MAP4K5: variants seen among roughly 807,000 people sequenced by gnomAD.
MAP4K5 encodes the protein MAPK/ERK kinase kinase kinase 5.
MAP4K5 carries 82 observed loss-of-function variants against 135.6 expected under a neutral mutation model. The observed-to-expected ratio is 0.60, with a 90% CI of 0.51 to 0.73. The LOEUF is 0.73. Ranked by LOEUF, MAP4K5 falls within the 30% of genes least tolerant of loss-of-function variation. The pLI is 0.00. For synonymous variants in MAP4K5, 347 were observed against 335.0 expected (o/e 1.04, Z -0.39); for missense variants, 907 against 1,010.9 (o/e 0.90, Z 1.39).
At chr14:50,517,857 A>G (rs2038066572) in intron 2 of MAP4K5, among the ~76,000 whole-genome samples, 1 of 152,236 alleles carries the variant, frequency 6.6e-6, no homozygotes, top group African/African-American at 2.4e-5. Flanking sequence ...AAGAGTAAAG[A>G]AAGTGCTTCA....
At chr14:50,473,937 G>T (rs2037034996) in intron 9 of MAP4K5, among the ~76,000 whole-genome samples, 2 of 151,850 alleles carry the variant, frequency 1.3e-5, no homozygotes, top group Admixed American at 1.3e-4. Context: ...TGTTAGCCAG[G>T]ATGGTCTCGA....
At chr14:50,495,601 A>G (rs2037575110) in intron 3 of MAP4K5, among the ~76,000 whole-genome samples, 1 of 152,222 alleles carries the variant, frequency 6.6e-6, no homozygotes, top group Non-Finnish European at 1.5e-5. Context: ...TCAAAGAGAG[A>G]TTTGTACACC....
At chr14:50,545,535 T>G (rs1005048233) in intron 1 of MAP4K5, among the ~76,000 whole-genome samples, 2 of 152,044 alleles carry the variant, frequency 1.3e-5, no homozygotes, top group African/African-American at 2.4e-5. Flanking sequence ...AAAATTCCAG[T>G]GGGGAGTAAG....
At chr14:50,536,635 T>C (rs186170550), upstream of MAP4K5, among the ~76,000 whole-genome samples, 56 of 152,198 alleles carry the variant, frequency 3.7e-4, no homozygotes, top group East Asian at 7.5e-3. Flanking sequence ...AAAATGCTAA[T>C]AGTGATATAA....
At chr14:50,429,075 A>C (rs944054857) in intron 29 of MAP4K5, 117 bp downstream of exon 29, 4 of 658,280 alleles carry the variant, frequency 6.1e-6, no homozygotes, top group East Asian at 5.7e-5. Context: ...TACAAATTAC[A>C]CATGATAAGT....
intron 3 of MAP4K5, among the ~76,000 whole-genome samples, chr14:50,494,015 A>C (rs938051891): frequency 2.0e-5 from 3 of 151,800 alleles, no homozygotes; most frequent in Non-Finnish European, 2.9e-5. Flanking sequence ...AAAACAAAAA[A>C]AAGAACAATT....
Position 50,464,094 on chromosome 14 carries a change from G to C in MAP4K5, c.777C>G (p.Thr259=). ...CAGTTGGTCTTTTTTTTGGGTTTTT[G>C]GTTAGTGCTATTTTGACAAAATTAT... ...TFHNFVKIAL[T]KNPKKRPTAE... Residue 259 remains threonine (T), a synonymous_variant, in exon 12 of 33, where the codon ACC becomes ACG. Coordinates refer to ENST00000682126, the MANE Select transcript of MAP4K5 (RefSeq NM_006575.6). The C allele has an allele frequency of 6.5e-7, 1 of 1,546,158 alleles. No homozygotes were observed. The highest frequency in any genetic ancestry group is 8.8e-7 in the Non-Finnish European group (1 of 1,142,374).
chr14:50,428,308 T>G (rs1047937015), intron 30 of MAP4K5, among the ~76,000 whole-genome samples: 3 of 152,230 alleles, frequency 2.0e-5, no homozygotes, highest in South Asian at 2.1e-4. Context: ...CAGGCTGGAA[T>G]GCAATGGCAT....
At chr14:50,527,409 T>C (rs1450385121) in intron 2 of MAP4K5, among the ~76,000 whole-genome samples, 1 of 133,712 alleles carries the variant, frequency 7.5e-6, no homozygotes, top group Non-Finnish European at 1.5e-5. Flanking sequence ...GACCCTGTCA[T>C]CCAAAAAAAA....
At chr14:50,479,020 G>A (rs576803057) in intron 6 of MAP4K5, among the ~76,000 whole-genome samples, 1 of 146,932 alleles carries the variant, frequency 6.8e-6, no homozygotes, top group African/African-American at 2.6e-5. Flanking sequence ...TTTTTTTTTT[G>A]TTGTTGTTGT....
chr14:50,515,701 A>G (rs2038021123), intron 2 of MAP4K5, among the ~76,000 whole-genome samples: 1 of 152,214 alleles, frequency 6.6e-6, no homozygotes, highest in African/African-American at 2.4e-5. Context: ...TCCACTTTTT[A>G]TAAGAACTAT....
At position 50,532,134 on chromosome 14, in the gene MAP4K5, A is replaced by G. The variant is rs2038408519; in HGVS notation, c.-85T>C. 10 of 775,088 alleles carry G rather than the reference A, an allele frequency of 1.3e-5. No individual in the cohort carries two copies. Among genetic ancestry groups the G allele is most frequent in the East Asian group, 5.6e-5 (2 of 35,746 alleles). 48.0% of individuals were successfully genotyped at this position (775,088 alleles called of 1,614,324 possible). A position where few individuals can be genotyped will look rare whatever the true frequency, so the allele number is the denominator to read the frequency against. On this transcript the variant is annotated 5_prime_UTR_variant, in exon 2 of 33. It removes an upstream start codon present in the reference 5' UTR. Transcript: ENST00000682126. Reference sequence around the variant, plus strand: ...AGCACGAACGGCGCCGCTTCCCAACATGGAGCCTCCGCCCGCAGCTCCGTC... The same window carrying G: ...AGCACGAACGGCGCCGCTTCCCAACGTGGAGCCTCCGCCCGCAGCTCCGTC...
intron 1 of MAP4K5, among the ~76,000 whole-genome samples, chr14:50,556,152 A>C (rs2038762810): frequency 6.6e-6 from 1 of 152,190 alleles, no homozygotes; most frequent in Non-Finnish European, 1.5e-5. Flanking sequence ...ACTTTTTAAA[A>C]ACATTTGTAT....
At chr14:50,451,665 T>G (rs1483098527) in intron 14 of MAP4K5, among the ~76,000 whole-genome samples, 1 of 147,302 alleles carries the variant, frequency 6.8e-6, no homozygotes, top group Non-Finnish European at 1.5e-5. Flanking sequence ...ATGTTACAGG[T>G]TTTTTTTTTC....
At chr14:50,431,616 T>G (rs952324538) in intron 28 of MAP4K5, among the ~76,000 whole-genome samples, 2 of 152,012 alleles carry the variant, frequency 1.3e-5, no homozygotes, top group Admixed American at 6.6e-5. Context: ...TATTCCATGG[T>G]GTATATGTGC....
chr14:50,447,056 G>A (rs1198104609), intron 16 of MAP4K5, among the ~76,000 whole-genome samples: 1 of 152,152 alleles, frequency 6.6e-6, no homozygotes, highest in Non-Finnish European at 1.5e-5. Context: ...GCAGTACACA[G>A]ACAGGTTAGG....
intron 28 of MAP4K5, 46 bp from the exon 29 acceptor site, chr14:50,429,306 G>C: frequency 3.5e-6 from 4 of 1,151,548 alleles, no homozygotes; most frequent in Non-Finnish European, 5.0e-6. Flanking sequence ...TTAAAACCTA[G>C]AGCCTAGAAA....
chr14:50,464,652 A>G (rs958297263), intron 11 of MAP4K5, among the ~76,000 whole-genome samples: 4 of 152,230 alleles, frequency 2.6e-5, no homozygotes, highest in African/African-American at 9.7e-5. Context: ...GGAAGAAGAC[A>G]TAAATTAAAG....
At chr14:50,431,456 T>C (rs1232855027) in intron 28 of MAP4K5, among the ~76,000 whole-genome samples, 1 of 151,996 alleles carries the variant, frequency 6.6e-6, no homozygotes, top group African/African-American at 2.4e-5. Flanking sequence ...CCTGTGTCCA[T>C]GTGTTCTCAT....
Sources: gnomAD v4.1 joint callset for allele counts (sites outside exome capture counted in the v4.1 genomes callset) on GRCh38, gnomAD v4.1.1 for gene constraint, MANE v1.5 for transcripts, NCBI Gene and HGNC (gene_info 2026-07-23, HGNC 2026-07-21) for gene names.